IL27RA: variants seen among roughly 807,000 people sequenced by gnomAD.
IL27RA encodes the protein interleukin 27 receptor subunit alpha.
In IL27RA, 61 loss-of-function variants were observed where a neutral mutation model predicts 80.8. The observed-to-expected ratio is 0.76, with a 90% CI of 0.61 to 0.93. IL27RA has a LOEUF of 0.93. Ranked by LOEUF, IL27RA falls within the 40% of genes least tolerant of loss-of-function variation. The pLI, the probability that IL27RA is intolerant of heterozygous loss-of-function variation, is 0.00. For synonymous variants in IL27RA, 316 were observed against 332.5 expected (o/e 0.95, Z 0.54); for missense variants, 735 against 808.1 (o/e 0.91, Z 1.10).
chr19:14,036,327 C>G (rs999609048), intron 2 of IL27RA, among the ~76,000 whole-genome samples: 1 of 151,938 alleles, frequency 6.6e-6, no homozygotes, highest in Non-Finnish European at 1.5e-5. Context: ...TCTTCTCCCC[C>G]TAGCCTCTGT....
intron 2 of IL27RA, among the ~76,000 whole-genome samples, chr19:14,038,233 C>A (rs1975934206): frequency 6.6e-6 from 1 of 151,960 alleles, no homozygotes; most frequent in African/African-American, 2.4e-5. Flanking sequence ...AACTCAACCT[C>A]CTGGGCTCAA....
rs1179842450 is a variant in IL27RA, at chr19:14,050,889, G to A, written c.1528+6G>A. The A allele has an allele frequency of 2.5e-6, 4 of 1,603,902 alleles. No individual in the cohort carries two copies. The highest frequency in any genetic ancestry group is 2.6e-6 in the Non-Finnish European group (3 of 1,172,548). On this transcript the variant is annotated splice_donor_region_variant and intron_variant, in intron 11 of 13. Transcript: ENST00000263379. ...CCTCCGGCTTCATCTACCAGGTAGG[G>A]GGGTTGGGATGGGATTGCCACAGGG...
chr19:14,031,795 C>T lies in IL27RA; in HGVS notation c.-78C>T. ...TCCCGTTGCCGCCTCGGGCGCTGTA[C>T]CCAGAGCTCGAAGAGGAGCAGCGCG... On this transcript the variant is annotated 5_prime_UTR_variant, in exon 1 of 14. Coordinates refer to ENST00000263379, the MANE Select transcript of IL27RA (RefSeq NM_004843.4). 3 of 1,263,870 alleles carry T rather than the reference C, an allele frequency of 2.4e-6. No individual in the cohort carries two copies. The highest frequency in any genetic ancestry group is 1.4e-5 in the South Asian group (1 of 72,654). The allele number at this position is 1,263,870 out of a possible 1,614,324, so 78.3% of individuals were successfully genotyped here. A position where few individuals can be genotyped will look rare whatever the true frequency, so the allele number is the denominator to read the frequency against.
chr19:14,042,640 C>G (rs913360433), intron 5 of IL27RA, 28 bp downstream of exon 5: 34 of 1,613,910 alleles, frequency 2.1e-5, no homozygotes, highest in Non-Finnish European at 2.5e-5. Context: ...TGCCCTCAAT[C>G]CACGCCCCTC....
intron 1 of IL27RA, among the ~76,000 whole-genome samples, 190 bp from the exon 2 acceptor site, chr19:14,032,196 G>T (rs913491704): frequency 6.6e-5 from 10 of 152,180 alleles, no homozygotes; most frequent in Non-Finnish European, 1.3e-4. Flanking sequence ...TGGTTAACAG[G>T]ATGTGGCGAG....
At chr19:14,032,357 T>C in intron 1 of IL27RA, 29 bp from the exon 2 acceptor site, 4 of 1,562,936 alleles carry the variant, frequency 2.6e-6, no homozygotes, top group South Asian at 2.2e-5. Flanking sequence ...TCGACCCCCT[T>C]TCCTGAGACC....
At chr19:14,034,690 A>C (rs1353297028) in intron 2 of IL27RA, among the ~76,000 whole-genome samples, 1 of 149,022 alleles carries the variant, frequency 6.7e-6, no homozygotes, top group Non-Finnish European at 1.5e-5. Flanking sequence ...GCGGTGGCTC[A>C]AGCCTGTAAT....
chr19:14,039,715 G>A, intron 3 of IL27RA, 38 bp from the exon 4 acceptor site: 1 of 1,610,188 alleles, frequency 6.2e-7, no homozygotes, highest in East Asian at 2.2e-5. Flanking sequence ...TGCTCTTGGA[G>A]GGCGTGGCTC....
rs760022121 is a variant in IL27RA at position 14,046,284 on chromosome 19, C to T, written c.899C>T (p.Ala300Val). ...PSGAEWARVS[A>V]VNATSWEPLT... The stretch of plus-strand genomic sequence containing the variant: ...GGGGCGGAGTGGGCCAGGGTGTCCG[C>T]TGTCAACGCCACAAGCTGGGAGCCT... The change falls in exon 7 of 14, where the codon GCT becomes GTT. Residue 300 changes from alanine to valine, a missense_variant. Coordinates refer to ENST00000263379, the MANE Select transcript of IL27RA (RefSeq NM_004843.4). The T allele has an allele frequency of 2.5e-6, 4 of 1,614,114 alleles. No homozygotes were observed. The highest frequency in any genetic ancestry group is 1.7e-6 in the Non-Finnish European group (2 of 1,180,022).
chr19:14,043,334 C>T (rs1400456202), intron 6 of IL27RA, among the ~76,000 whole-genome samples: 4 of 151,974 alleles, frequency 2.6e-5, no homozygotes, highest in Non-Finnish European at 5.9e-5. Flanking sequence ...GCAGATATTC[C>T]GGGCAGGGGC....
In IL27RA at chr19:14,049,022, G is replaced by A. The variant is rs773090360; in HGVS notation, c.1183G>A (p.Ala395Thr). Residue 395 changes from alanine (A) to threonine (T), a missense_variant, in exon 9 of 14, where the codon GCA becomes ACA. Coordinates refer to ENST00000263379, the MANE Select transcript of IL27RA (RefSeq NM_004843.4). ...VGVPYRITVT[A>T]VSASGLASAS... ...GGTCCCCTATCGAATCACTGTGACC[G>A]CAGTCTCTGCTTCAGGCTTGGCCTC... is the stretch of plus-strand genomic sequence containing the variant. 69 of 1,613,776 alleles carry A rather than the reference G, an allele frequency of 4.3e-5. No individual in the cohort carries two copies. Among genetic ancestry groups the A allele is most frequent in the East Asian group, 8.9e-5 (4 of 44,892 alleles).
At chr19:14,050,910 C>T in intron 11 of IL27RA, 27 bp downstream of exon 11, 3 of 1,593,260 alleles carry the variant, frequency 1.9e-6, no homozygotes, top group Non-Finnish European at 2.6e-6. Context: ...GGGATTGCCA[C>T]AGGGAGGGGA....
rs1331444426 is a variant in IL27RA, at chr19:14,031,802, C to T, written c.-71C>T. The T allele has an allele frequency of 7.6e-7, 1 of 1,323,964 alleles. No individual in the cohort carries two copies. Among genetic ancestry groups the T allele is most frequent in the Non-Finnish European group, 1.0e-6 (1 of 965,198 alleles). 82.0% of individuals were successfully genotyped at this position (1,323,964 alleles called of 1,614,324 possible). ...GCCGCCTCGGGCGCTGTACCCAGAG[C>T]TCGAAGAGGAGCAGCGCGGCCGCGC... On this transcript the variant is annotated 5_prime_UTR_variant, in exon 1 of 14. Coordinates refer to ENST00000263379, the MANE Select transcript of IL27RA (RefSeq NM_004843.4).
chr19:14,034,947 C>T (rs983013304), intron 2 of IL27RA, among the ~76,000 whole-genome samples: 14 of 22,414 alleles, frequency 6.2e-4, no homozygotes, highest in Admixed American at 3.2e-3. Context: ...AGCGAGACTC[C>T]GTCTCAAAAA....
At chr19:14,042,267 G>A (rs1976000042) in intron 4 of IL27RA, among the ~76,000 whole-genome samples, 186 bp from the exon 5 acceptor site, 1 of 151,900 alleles carries the variant, frequency 6.6e-6, no homozygotes, top group Non-Finnish European at 1.5e-5. Flanking sequence ...TCAGGAGGCT[G>A]AGGCAGGAGA....
intron 2 of IL27RA, among the ~76,000 whole-genome samples, chr19:14,036,644 A>G (rs1185841626): frequency 1.3e-5 from 2 of 151,182 alleles, no homozygotes; most frequent in African/African-American, 4.9e-5. Flanking sequence ...GCGCATCTCC[A>G]CATCTGGCTA....
intron 10 of IL27RA, among the ~76,000 whole-genome samples, chr19:14,050,511 CAAA>C (rs34034204): frequency 7.2e-4 from 72 of 99,920 alleles, no homozygotes; most frequent in South Asian, 1.9e-3. Context: ...GACTTCATGT[CAAA>C]AAAAAAAAAA....
At chr19:14,032,634 C>CAA (rs766574764) in intron 2 of IL27RA, 131 bp downstream of exon 2, 9,329 of 93,342 alleles carry the variant, frequency 0.1, 524 homozygotes, top group Admixed American at 0.21. Flanking sequence ...ACTAAAAATA[C>CAA]AAAAAAAAAA....
chr19:14,048,849 C>G, intron 8 of IL27RA, 132 bp from the exon 9 acceptor site: 1 of 795,368 alleles, frequency 1.3e-6, no homozygotes, highest in Non-Finnish European at 2.1e-6. Flanking sequence ...CTGGGATTAC[C>G]TCCTAGATAA....
Sources: allele counts gnomAD v4.1 joint callset (sites outside exome capture counted in the v4.1 genomes callset), GRCh38; gene constraint gnomAD v4.1.1; transcripts MANE v1.5; gene names NCBI Gene and HGNC (gene_info 2026-07-23, HGNC 2026-07-21).